Variants in LTBP1 observed in about 807,000 individuals in gnomAD.
The protein encoded by LTBP1 is latent transforming growth factor beta binding protein 1, also known as latent-transforming growth factor beta-binding protein 1.
Under a neutral mutation model 207.6 loss-of-function variants are expected in LTBP1, and 129 were observed. That is an observed-to-expected ratio of 0.62 (90% CI 0.54 to 0.72). The LOEUF (loss-of-function observed/expected upper bound fraction) is 0.72, where lower values mean the gene tolerates loss of function less well. Ranked by LOEUF, LTBP1 falls within the 30% of genes least tolerant of loss-of-function variation. The probability of loss-of-function intolerance (pLI) is 0.00; values close to 1 mark genes in which losing one functional copy is unlikely to be tolerated. For synonymous variants in LTBP1, 963 were observed against 833.7 expected (o/e 1.16, Z -2.67); for missense variants, 2,281 against 2,217.2 (o/e 1.03, Z -0.58).
chr2:33,090,043 A>G (rs1199737755), intron 3 of LTBP1, among the ~76,000 whole-genome samples: 1 of 152,238 alleles, frequency 6.6e-6, no homozygotes, highest in Non-Finnish European at 1.5e-5. Context: ...TGTTTTATAT[A>G]CATTTAACCC....
intron 5 of LTBP1, among the ~76,000 whole-genome samples, chr2:33,135,259 C>T (rs753208736): frequency 3.9e-5 from 6 of 152,100 alleles, no homozygotes; most frequent in Non-Finnish European, 8.8e-5. Flanking sequence ...TAGATTTAGA[C>T]CCTAAGGCAT....
intron 24 of LTBP1, among the ~76,000 whole-genome samples, chr2:33,321,613 A>T (rs575446513): frequency 6.6e-6 from 1 of 152,344 alleles, no homozygotes; most frequent in East Asian, 1.9e-4. Context: ...TGTGGCATGG[A>T]TATAGAACTT....
chr2:33,309,692 C>T (rs2094152629), intron 23 of LTBP1, 136 bp downstream of exon 23: 1 of 1,012,942 alleles, frequency 9.9e-7, no homozygotes, highest in Admixed American at 2.5e-5. Context: ...ATTAAAATAG[C>T]TGTCTTGGGT....
intron 4 of LTBP1, among the ~76,000 whole-genome samples, chr2:33,111,203 C>G (rs1167457481): frequency 6.6e-6 from 1 of 152,168 alleles, no homozygotes. Flanking sequence ...TTTAGTGTAT[C>G]AAGCAGCTGG....
At chr2:33,052,697 G>C (rs556433515) in intron 3 of LTBP1, among the ~76,000 whole-genome samples, 4 of 152,152 alleles carry the variant, frequency 2.6e-5, no homozygotes, top group African/African-American at 9.7e-5. Flanking sequence ...TAAGTTTTCT[G>C]TATGGAGGAT....
chr2:33,367,448 T>C (rs545193993), intron 31 of LTBP1, among the ~76,000 whole-genome samples: 5 of 152,322 alleles, frequency 3.3e-5, no homozygotes, highest in African/African-American at 1.2e-4. Flanking sequence ...TGTGTACCCT[T>C]AACAATAGCG....
intron 5 of LTBP1, among the ~76,000 whole-genome samples, chr2:33,153,033 G>A (rs950069858): frequency 1.3e-5 from 2 of 152,140 alleles, no homozygotes; most frequent in Non-Finnish European, 2.9e-5. Flanking sequence ...TCATTTTGTT[G>A]AATATGAAAC....
chr2:33,266,999 G>A (rs1034505932), intron 15 of LTBP1, among the ~76,000 whole-genome samples: 1 of 152,234 alleles, frequency 6.6e-6, no homozygotes, highest in African/African-American at 2.4e-5. Context: ...AGCCAGGGCT[G>A]TAACAGCCTC....
intron 2 of LTBP1, among the ~76,000 whole-genome samples, chr2:33,015,418 T>C (rs932921854): frequency 6.6e-6 from 1 of 152,150 alleles, no homozygotes; most frequent in Non-Finnish European, 1.5e-5. Context: ...CCAGCATCAT[T>C]TGGAAAGTAG....
rs2087262250 is a variant in LTBP1 at position 33,186,903 on chromosome 2, G to A, written c.1249G>A (p.Asp417Asn). Residue 417 changes from aspartate to asparagine, a missense_variant, in exon 6 of 34, where the codon GAC becomes AAC. Physicochemically the swap from Asp to Asn is conservative, Grantham distance 23 (BLOSUM62 1). Around this residue, in one of 3 missense-constraint regions of LTBP1, gnomAD observed 55 missense variants for 91.5 expected, o/e 0.60. Coordinates refer to ENST00000404816, the MANE Select transcript of LTBP1 (RefSeq NM_206943.4). Reference protein sequence around the residue: ...CMNGGQCSSRDKCQCPPNFTG... With the variant: ...CMNGGQCSSRNKCQCPPNFTG... ...GAATGGTGGCCAGTGCAGTTCAAGG[G>A]ACAAATGTCAGTGCCCTCCAAATTT... The A allele has an allele frequency of 3.1e-6, 5 of 1,614,004 alleles. No individual in the cohort carries two copies. Among genetic ancestry groups the A allele is most frequent in the East Asian group, 2.2e-5 (1 of 44,892 alleles).
chr2:33,370,905 G>T (rs1391310022), intron 31 of LTBP1, among the ~76,000 whole-genome samples: 1 of 152,174 alleles, frequency 6.6e-6, no homozygotes, highest in African/African-American at 2.4e-5. Flanking sequence ...TAAAGCTTTG[G>T]CTCCAGAGCG....
chr2:32,953,645 GC>G (rs1273593724), intron 2 of LTBP1, among the ~76,000 whole-genome samples: 1 of 152,154 alleles, frequency 6.6e-6, no homozygotes, highest in Non-Finnish European at 1.5e-5. Flanking sequence ...CGGCCCATGG[GC>G]CTGCTGAGGA....
chr2:33,230,302 A>G (rs1340752891), intron 9 of LTBP1, among the ~76,000 whole-genome samples: 2 of 152,208 alleles, frequency 1.3e-5, no homozygotes, highest in Non-Finnish European at 2.9e-5. Context: ...TGCACTCAGT[A>G]ACAAAGAACC....
intron 18 of LTBP1, among the ~76,000 whole-genome samples, chr2:33,277,622 G>T (rs998474768): frequency 4.6e-5 from 7 of 151,688 alleles, no homozygotes; most frequent in Non-Finnish European, 2.9e-5. Context: ...GACTCCTTTT[G>T]TGTTTGTATA....
intron 7 of LTBP1, among the ~76,000 whole-genome samples, chr2:33,201,250 G>A (rs1466673790): frequency 5.9e-5 from 9 of 152,148 alleles, no homozygotes; most frequent in African/African-American, 2.2e-4. Flanking sequence ...ATGATAGACT[G>A]GATTAAGAAA....
At chr2:33,300,046 G>A (rs1450514999) in intron 20 of LTBP1, among the ~76,000 whole-genome samples, 1 of 151,968 alleles carries the variant, frequency 6.6e-6, no homozygotes, top group Non-Finnish European at 1.5e-5. Flanking sequence ...CTATGTTTTT[G>A]GTTTTGTTTT....
intron 3 of LTBP1, among the ~76,000 whole-genome samples, chr2:33,110,053 G>A (rs218225): frequency 0.14 from 21,619 of 152,074 alleles, 1,868 homozygotes; most frequent in Non-Finnish European, 0.2. Context: ...AGTGCTGCAC[G>A]CTTACTAAAT....
At chr2:33,060,164 A>G (rs1444834007) in intron 3 of LTBP1, among the ~76,000 whole-genome samples, 1 of 136,234 alleles carries the variant, frequency 7.3e-6, no homozygotes, top group Non-Finnish European at 1.6e-5. Context: ...AAGTGCTAAA[A>G]CCAGGGATTA....
rs557373113 is a variant in LTBP1 at position 33,184,573 on chromosome 2, T to G, written c.1202-2283T>G. Among the ~76,000 whole-genome samples, 4 of 152,326 alleles carry G rather than the reference T, an allele frequency of 2.6e-5. No homozygotes were observed. In the South Asian group the frequency reaches 6.2e-4, roughly 24 times the overall value. ...ATTTTAACTTCCTAGAAATGTCTTTTCTCCTCTGCAGTTCCAAAGGATTTA... is the reference window on the plus strand; with the variant it reads ...ATTTTAACTTCCTAGAAATGTCTTTGCTCCTCTGCAGTTCCAAAGGATTTA... On this transcript the variant is annotated intron_variant, in intron 5 of 33. Coordinates refer to ENST00000404816, the MANE Select transcript of LTBP1 (RefSeq NM_206943.4).
Sources: gnomAD v4.1 joint callset for allele counts (sites outside exome capture counted in the v4.1 genomes callset) on GRCh38, gnomAD v4.1.1 for gene constraint, gnomAD v4.1.1 regional missense constraint, MANE v1.5 for transcripts, NCBI Gene and HGNC (gene_info 2026-07-23, HGNC 2026-07-21) for gene names.